The following LIMCH1 variants were observed in gnomAD, a reference collection of about 807,000 sequenced individuals.
LIMCH1 encodes LIM and calponin homology domains-containing protein 1.
LIMCH1 carries 113 observed loss-of-function variants against 176.5 expected under a neutral mutation model. The ratio of observed to expected loss-of-function variants is 0.64; its 90% CI spans 0.55 to 0.75. The LOEUF (loss-of-function observed/expected upper bound fraction) is 0.75. Among genes scored for constraint, LIMCH1 ranks in the 30% least tolerant of loss-of-function variants. The pLI is 0.00. For missense variants in LIMCH1, 1,674 were observed against 1,814.9 expected (o/e 0.92, Z 1.41); for synonymous variants, 619 against 645.9 (o/e 0.96, Z 0.63).
chr4:41,491,139 GCGC>G (rs2070817844), intron 1 of LIMCH1, among the ~76,000 whole-genome samples: 1 of 149,626 alleles, frequency 6.7e-6, no homozygotes. Flanking sequence ...CTGGGCAGAG[GCGC>G]TCCCCACCTC....
intron 1 of LIMCH1, among the ~76,000 whole-genome samples, chr4:41,447,256 C>G (rs540579242): frequency 7.0e-4 from 106 of 152,202 alleles, no homozygotes; most frequent in Non-Finnish European, 1.2e-3. Flanking sequence ...AACAGCGCTC[C>G]CAAAACCCAA....
At chr4:41,537,975 C>G (rs2078134323), upstream of LIMCH1, among the ~76,000 whole-genome samples, 1 of 152,176 alleles carries the variant, frequency 6.6e-6, no homozygotes, top group Non-Finnish European at 1.5e-5. Context: ...ATCCAGATTT[C>G]CTGACAGTAC....
At position 41,684,483 on chromosome 4, in the gene LIMCH1, C is replaced by T. The variant is rs763507006; in HGVS notation, c.3932C>T (p.Ala1311Val). ...CATCAGCTGGATACCGAGGCTGGGG[C>T]CCCACACTGTGGAACAAACCCACAG... The part of the protein sequence containing the change: ...EDHQLDTEAG[A>V]PHCGTNPQLA... The change falls in exon 27 of 32, where the codon GCC becomes GTC. Residue 1311 changes from alanine to valine, a missense_variant. Physicochemically the swap from Ala to Val is moderately conservative, Grantham distance 64 (BLOSUM62 0). Coordinates refer to ENST00000503057, the MANE Select transcript of LIMCH1 (RefSeq NM_001330672.2). The T allele has an allele frequency of 5.6e-6, 9 of 1,613,554 alleles. No homozygotes were observed. The highest frequency in any genetic ancestry group is 5.1e-6 in the Non-Finnish European group (6 of 1,179,800).
chr4:41,677,983 C>T (rs966449713), intron 23 of LIMCH1, among the ~76,000 whole-genome samples: 2 of 151,978 alleles, frequency 1.3e-5, no homozygotes, highest in Non-Finnish European at 2.9e-5. Flanking sequence ...ATGTGCAGAA[C>T]GGGCAGGTTT....
chr4:41,666,837 C>T (rs910535335), intron 21 of LIMCH1, among the ~76,000 whole-genome samples, 171 bp downstream of exon 21: 3 of 152,146 alleles, frequency 2.0e-5, no homozygotes, highest in East Asian at 1.9e-4. Flanking sequence ...AAGCTGGAGC[C>T]GGATTCTCTA....
chr4:41,429,792 C>T (rs1331135217), intron 1 of LIMCH1, among the ~76,000 whole-genome samples: 1 of 152,158 alleles, frequency 6.6e-6, no homozygotes, highest in Non-Finnish European at 1.5e-5. Context: ...TGCTACATAT[C>T]CATGGAGGGC....
chr4:41,360,259 C>T (rs1292666701), upstream of LIMCH1, among the ~76,000 whole-genome samples: 2 of 152,096 alleles, frequency 1.3e-5, no homozygotes, highest in East Asian at 1.9e-4. The surrounding 1 kb of genome is among the most constrained non-coding windows in gnomAD (Gnocchi z 4.5). Context: ...GGGGCTGCCC[C>T]GCCTTGCCCC....
chr4:41,571,560 G>T (rs1364500449), intron 1 of LIMCH1, among the ~76,000 whole-genome samples: 1 of 152,152 alleles, frequency 6.6e-6, no homozygotes, highest in Non-Finnish European at 1.5e-5. Flanking sequence ...TATGGCCTCA[G>T]TGAGGACTCA....
At chr4:41,545,632 C>T (rs186351154) in intron 1 of LIMCH1, among the ~76,000 whole-genome samples, 15 of 152,306 alleles carry the variant, frequency 9.8e-5, no homozygotes, top group Admixed American at 9.2e-4. Context: ...ACTGTTGCAA[C>T]TTGAGTTATA....
intron 2 of LIMCH1, among the ~76,000 whole-genome samples, chr4:41,505,207 G>A (rs958639102): frequency 2.0e-5 from 3 of 152,156 alleles, no homozygotes; most frequent in African/African-American, 4.8e-5. Context: ...ATACAGTCAA[G>A]CACTCAGCAT....
intron 28 of LIMCH1, among the ~76,000 whole-genome samples, chr4:41,686,973 A>G (rs1474641009): frequency 1.3e-5 from 2 of 152,142 alleles, no homozygotes; most frequent in Non-Finnish European, 2.9e-5. Flanking sequence ...AAGCATTGGT[A>G]CTTATACTTT....
At chr4:41,485,536 A>T (rs922569988) in intron 1 of LIMCH1, among the ~76,000 whole-genome samples, 1 of 152,218 alleles carries the variant, frequency 6.6e-6, no homozygotes, top group East Asian at 1.9e-4. Context: ...TGCCACCGTA[A>T]GTACTTCTGA....
At chr4:41,672,268 G>A (rs182828577) in intron 22 of LIMCH1, among the ~76,000 whole-genome samples, 1 of 152,198 alleles carries the variant, frequency 6.6e-6, no homozygotes, top group Non-Finnish European at 1.5e-5. Context: ...TACTCAGGGG[G>A]CTGAGGCAGG....
intron 18 of LIMCH1, among the ~76,000 whole-genome samples, chr4:41,657,754 T>C (rs2094503096): frequency 6.6e-6 from 1 of 152,144 alleles, no homozygotes; most frequent in Admixed American, 6.6e-5. Context: ...ATTTATTTAC[T>C]TAACAAGGAT....
At chr4:41,647,519 GA>G (rs1304560409) in intron 17 of LIMCH1, among the ~76,000 whole-genome samples, 1 of 152,188 alleles carries the variant, frequency 6.6e-6, no homozygotes, top group African/African-American at 2.4e-5. Context: ...AGAACTTGTG[GA>G]AACCAAACAT....
At chr4:41,504,715 G>T (rs573632521) in intron 2 of LIMCH1, among the ~76,000 whole-genome samples, 2 of 152,076 alleles carry the variant, frequency 1.3e-5, no homozygotes, top group Non-Finnish European at 2.9e-5. Flanking sequence ...TTATTCTCTG[G>T]TTTGCTTATC....
chr4:41,487,884 C>A (rs972009024), intron 1 of LIMCH1, among the ~76,000 whole-genome samples: 4 of 150,310 alleles, frequency 2.7e-5, no homozygotes, highest in African/African-American at 9.8e-5. Flanking sequence ...AATCTCCTGA[C>A]CTCCTGATCT....
intron 4 of LIMCH1, among the ~76,000 whole-genome samples, chr4:41,610,771 C>A (rs906316494): frequency 2.6e-5 from 4 of 152,094 alleles, no homozygotes; most frequent in Non-Finnish European, 5.9e-5. Context: ...AGTCGGTATT[C>A]GGAGACCATT....
At position 41,427,991 on chromosome 4, in the gene LIMCH1, G is replaced by A. The variant is rs1392184857; in HGVS notation, c.97-66545G>A. On this transcript the variant is annotated intron_variant, in intron 1 of 26. Transcript: ENST00000313860. ...AATTTACTGGTTCCTTTTTACCTCT[G>A]TGTATTCAGCAATAAAAAAAAAATT... 5.3e-5 allele frequency among the ~76,000 whole-genome samples: 8 copies of A among 151,292 alleles called. 1 individual carries two copies. The South Asian group carries it at 1.3e-3, about 24-fold the overall frequency.
Sources: gnomAD v4.1 joint callset for allele counts (sites outside exome capture counted in the v4.1 genomes callset) on GRCh38, gnomAD v4.1.1 for gene constraint, Gnocchi (gnomAD v3.1) non-coding constraint, MANE v1.5 for transcripts, NCBI Gene and HGNC (gene_info 2026-07-23, HGNC 2026-07-21) for gene names.